The following GRM1 variants were observed in gnomAD, a reference collection of about 807,000 sequenced individuals.
GRM1 encodes metabotropic glutamate receptor 1.
Under a neutral mutation model 90.9 loss-of-function variants are expected in GRM1, and 33 were observed. The observed-to-expected ratio is 0.36, with a 90% CI of 0.28 to 0.49. The LOEUF (loss-of-function observed/expected upper bound fraction) is 0.49, where lower values mean the gene tolerates loss of function less well. GRM1 is among the 20% of genes least tolerant of loss of function. GRM1 has a pLI of 0.99. For missense variants in GRM1, 1,190 were observed against 1,534.3 expected (o/e 0.78, Z 3.75); for synonymous variants, 700 against 613.2 (o/e 1.14, Z -2.09).
chr6:146,435,094 A>C lies in GRM1; in HGVS notation c.*298A>C. 5.8e-6 allele frequency: 3 copies of C among 514,878 alleles called. No individual in the cohort carries two copies. The highest frequency in any genetic ancestry group is 3.6e-5 in the East Asian group (1 of 28,116). 31.9% of individuals were successfully genotyped at this position (514,878 alleles called of 1,614,324 possible). On this transcript the variant is annotated 3_prime_UTR_variant, in exon 8 of 8. Coordinates refer to ENST00000282753, the MANE Select transcript of GRM1 (RefSeq NM_001278064.2). ...ATATGGTATGTAACTTTTATCACAA[A>C]TCAAATAGTGACATCACAAACATAA... is the stretch of plus-strand genomic sequence containing the variant.
chr6:146,345,509 T>A (rs1161522949), intron 3 of GRM1, among the ~76,000 whole-genome samples: 1 of 152,212 alleles, frequency 6.6e-6, no homozygotes, highest in Non-Finnish European at 1.5e-5. Flanking sequence ...AACTCTTGTA[T>A]TTCACTCTGT....
intron 1 of GRM1, among the ~76,000 whole-genome samples, chr6:146,052,077 G>A (rs1775312179): frequency 6.6e-6 from 1 of 152,016 alleles, no homozygotes; most frequent in Non-Finnish European, 1.5e-5. Context: ...GGCTGAAAAT[G>A]TTAGTTTAAA....
chr6:146,172,946 A>G (rs564908686), intron 2 of GRM1, among the ~76,000 whole-genome samples: 1 of 152,238 alleles, frequency 6.6e-6, no homozygotes, highest in African/African-American at 2.4e-5. Flanking sequence ...ATAAATACGT[A>G]AGGCTGGATT....
intron 3 of GRM1, among the ~76,000 whole-genome samples, chr6:146,329,486 G>A (rs1423971303): frequency 1.3e-5 from 2 of 152,146 alleles, no homozygotes; most frequent in African/African-American, 4.8e-5. Context: ...GGTGTTGCGA[G>A]AGATTGGATA....
At chr6:146,280,539 A>C (rs1159526398) in intron 2 of GRM1, among the ~76,000 whole-genome samples, 1 of 152,014 alleles carries the variant, frequency 6.6e-6, no homozygotes, top group African/African-American at 2.4e-5. Context: ...GAATTGTATA[A>C]TTTTTCTTAC....
At chr6:146,127,802 T>C (rs965749575) in intron 1 of GRM1, among the ~76,000 whole-genome samples, 3 of 152,218 alleles carry the variant, frequency 2.0e-5, no homozygotes, top group Non-Finnish European at 2.9e-5. Flanking sequence ...TCTATTGATA[T>C]GTAACAAATC....
At chr6:146,030,298 C>T (rs922328190) in intron 1 of GRM1, 81 bp downstream of exon 1, 22 of 1,020,960 alleles carry the variant, frequency 2.2e-5, no homozygotes, top group Non-Finnish European at 3.2e-5. Context: ...TAGTATTGTT[C>T]CTGTTTATTT....
chr6:146,161,434 C>G (rs1396185469), intron 2 of GRM1, among the ~76,000 whole-genome samples: 1 of 152,232 alleles, frequency 6.6e-6, no homozygotes, highest in South Asian at 2.1e-4. Context: ...ATTTTACCTC[C>G]TAATAATGCA....
intron 1 of GRM1, among the ~76,000 whole-genome samples, chr6:146,129,723 G>C (rs769404205): frequency 1.3e-5 from 2 of 152,094 alleles, no homozygotes; most frequent in South Asian, 4.1e-4. Context: ...TCTGTTTTGC[G>C]TGGTCATTAT....
chr6:146,145,991 A>G (rs1246478806), intron 1 of GRM1, among the ~76,000 whole-genome samples: 1 of 151,636 alleles, frequency 6.6e-6, no homozygotes, highest in Non-Finnish European at 1.5e-5. Context: ...TTAAGATTTA[A>G]CGTCTGCTCT....
intron 1 of GRM1, among the ~76,000 whole-genome samples, chr6:146,081,708 G>C (rs1417350455): frequency 1.3e-5 from 2 of 152,138 alleles, no homozygotes; most frequent in African/African-American, 4.8e-5. Flanking sequence ...ATTCATCGAT[G>C]AATTGTACAT....
At chr6:146,370,892 A>T (rs1271480527) in intron 5 of GRM1, among the ~76,000 whole-genome samples, 1 of 152,060 alleles carries the variant, frequency 6.6e-6, no homozygotes, top group African/African-American at 2.4e-5. Context: ...TTGACTTAAT[A>T]TATGTCAACT....
At chr6:146,413,413 C>T (rs1174134420) in intron 7 of GRM1, among the ~76,000 whole-genome samples, 1 of 151,980 alleles carries the variant, frequency 6.6e-6, no homozygotes, top group Non-Finnish European at 1.5e-5. Flanking sequence ...CATGGATTTA[C>T]ATTTTTTTAA....
intron 1 of GRM1, among the ~76,000 whole-genome samples, chr6:146,064,911 A>T (rs1030896339): frequency 6.6e-6 from 1 of 152,096 alleles, no homozygotes; most frequent in African/African-American, 2.4e-5. Flanking sequence ...CAAACCATCA[A>T]TATCATCAAT....
chr6:146,427,932 G>A (rs1023603585), intron 7 of GRM1, among the ~76,000 whole-genome samples: 2 of 152,198 alleles, frequency 1.3e-5, no homozygotes, highest in African/African-American at 4.8e-5. Flanking sequence ...TGCTTGTCTT[G>A]TCCTGACAGC....
chr6:146,407,681 A>C (rs1451439598), intron 7 of GRM1, among the ~76,000 whole-genome samples: 1 of 152,198 alleles, frequency 6.6e-6, no homozygotes, highest in Non-Finnish European at 1.5e-5. Context: ...TGAGGCTTGG[A>C]AAGCTCAATG....
At chr6:146,314,562 T>C (rs1203522271) in intron 3 of GRM1, among the ~76,000 whole-genome samples, 1 of 152,188 alleles carries the variant, frequency 6.6e-6, no homozygotes, top group Non-Finnish European at 1.5e-5. Flanking sequence ...CTGCATCATG[T>C]GGTAAGTGTG....
At chr6:146,143,376 A>G (rs1231900495) in intron 1 of GRM1, among the ~76,000 whole-genome samples, 1 of 152,200 alleles carries the variant, frequency 6.6e-6, no homozygotes, top group African/African-American at 2.4e-5. Context: ...AATTGATCCC[A>G]CCAAGCATAA....
At chr6:146,244,321 A>C (rs944198761) in intron 2 of GRM1, among the ~76,000 whole-genome samples, 3 of 152,188 alleles carry the variant, frequency 2.0e-5, no homozygotes, top group African/African-American at 7.2e-5. Flanking sequence ...TAGATGTAAA[A>C]AATTATAAAA....
Sources: gnomAD v4.1 joint callset for allele counts (sites outside exome capture counted in the v4.1 genomes callset) on GRCh38, gnomAD v4.1.1 for gene constraint, MANE v1.5 for transcripts, NCBI Gene and HGNC (gene_info 2026-07-23, HGNC 2026-07-21) for gene names.